Variants in NDUFB4 observed in about 807,000 individuals in gnomAD.
NDUFB4 encodes NADH:ubiquinone oxidoreductase subunit B4.
A neutral mutation model predicts 14.5 loss-of-function variants in NDUFB4; 10 were observed. The observed-to-expected ratio is 0.69, with a 90% CI of 0.43 to 1.17. The LOEUF is 1.17. Among genes scored for constraint, NDUFB4 ranks in the 50% most tolerant of loss-of-function variants. The pLI is 0.00. For synonymous variants in NDUFB4, 65 were observed against 63.4 expected (o/e 1.03, Z -0.12); for missense variants, 165 against 161.1 (o/e 1.02, Z -0.13).
chr3:120,601,179 T>G lies in NDUFB4; in HGVS notation c.249T>G (p.Thr83=). 6.2e-7 allele frequency: 1 copy of G among 1,614,102 alleles called. No individual in the cohort carries two copies. The highest frequency in any genetic ancestry group is 8.5e-7 in the Non-Finnish European group (1 of 1,179,964). ...ATGTCTATCCTAATTTCAGACCCAC[T>G]CCTAAAAACTCACTCATGGGAGCTC... The part of the protein sequence containing the change: ...TINVYPNFRP[T]PKNSLMGALC... Residue 83 remains threonine, a synonymous_variant, in exon 2 of 3, where the codon ACT becomes ACG. Transcript: ENST00000184266.
At chr3:120,601,956 A>G in intron 2 of NDUFB4, 1 of 1,232,270 alleles carries the variant, frequency 8.1e-7, no homozygotes, top group Non-Finnish European at 1.0e-6. Context: ...AAATGTGAGT[A>G]AGATGTTTTT....
chr3:120,598,143 C>T (rs1413730912), intron 1 of NDUFB4, among the ~76,000 whole-genome samples: 3 of 151,562 alleles, frequency 2.0e-5, no homozygotes, highest in Non-Finnish European at 4.4e-5. Flanking sequence ...ACCTCTGCCT[C>T]CCGGGCTCAA....
At chr3:120,599,904 T>G (rs1210785818) in intron 1 of NDUFB4, among the ~76,000 whole-genome samples, 4 of 152,006 alleles carry the variant, frequency 2.6e-5, no homozygotes, top group Non-Finnish European at 5.9e-5. Flanking sequence ...GTCTTTACCC[T>G]CTTTTTTCTT....
chr3:120,596,567 T>TA, intron 1 of NDUFB4, 28 bp downstream of exon 1: 1 of 1,608,806 alleles, frequency 6.2e-7, no homozygotes, highest in Non-Finnish European at 8.5e-7. Flanking sequence ...CAGGCGGGAA[T>TA]AGGGCCCGAG....
intron 2 of NDUFB4, 195 bp downstream of exon 2, chr3:120,601,452 G>T: frequency 7.1e-7 from 1 of 1,414,602 alleles, no homozygotes; most frequent in Non-Finnish European, 9.2e-7. Context: ...AGTCACCTTT[G>T]TCTATTTTTG....
chr3:120,597,430 C>T (rs1939983902), intron 1 of NDUFB4, among the ~76,000 whole-genome samples: 1 of 152,138 alleles, frequency 6.6e-6, no homozygotes, highest in South Asian at 2.1e-4. Flanking sequence ...TATACAGGAA[C>T]TAAGTAGGTT....
At chr3:120,601,670 A>G (rs1213547934) in intron 2 of NDUFB4, 3 of 1,034,136 alleles carry the variant, frequency 2.9e-6, no homozygotes, top group African/African-American at 3.5e-5. Flanking sequence ...GCCTGGGTAT[A>G]TGATTGGAGA....
In NDUFB4 at chr3:120,601,135, G is replaced by T. The variant is rs774075930; in HGVS notation, c.205G>T (p.Ala69Ser). The part of the protein sequence containing the change: ...LIENPALLRW[A>S]YARTINVYPN... ...GGAAAATCCTGCCTTGCTTCGTTGG[G>T]CCTATGCAAGAACAATAAATGTCTA... Residue 69 changes from alanine (A) to serine (S), a missense_variant, in exon 2 of 3, where the codon GCC (alanine) becomes TCC (serine). Physicochemically the swap from Ala to Ser is moderately conservative, Grantham distance 99 (BLOSUM62 1). Transcript: ENST00000184266. 9.9e-6 allele frequency: 16 copies of T among 1,612,834 alleles called. No homozygotes were observed. Among genetic ancestry groups the T allele is most frequent in the Non-Finnish European group, 2.5e-6 (3 of 1,179,764 alleles).
chr3:120,601,848 G>A, intron 2 of NDUFB4: 1 of 1,039,124 alleles, frequency 9.6e-7, no homozygotes, highest in Non-Finnish European at 1.2e-6. Flanking sequence ...TCTGGTGAAT[G>A]ATCTACTTAA....
At chr3:120,600,889 T>C (rs1576272738) in intron 1 of NDUFB4, 1 of 510,034 alleles carries the variant, frequency 2.0e-6, no homozygotes, top group South Asian at 2.8e-5. Context: ...ATTAGTGATA[T>C]GAGCCTTCTA....
chr3:120,598,356 C>T (rs923394647), intron 1 of NDUFB4, among the ~76,000 whole-genome samples: 3 of 152,016 alleles, frequency 2.0e-5, no homozygotes, highest in African/African-American at 4.8e-5. Flanking sequence ...GCCTGGCCAT[C>T]TTGCCTAATC....
chr3:120,598,613 G>A (rs893380099), intron 1 of NDUFB4, among the ~76,000 whole-genome samples: 2 of 152,140 alleles, frequency 1.3e-5, no homozygotes, highest in Non-Finnish European at 2.9e-5. Flanking sequence ...GGGGAGGTAA[G>A]CAGCTACAAT....
chr3:120,599,375 T>C (rs958197178), intron 1 of NDUFB4, among the ~76,000 whole-genome samples: 2 of 152,050 alleles, frequency 1.3e-5, no homozygotes, highest in East Asian at 3.8e-4. Flanking sequence ...TTTAAAGTTA[T>C]CTGACCAGAT....
intron 2 of NDUFB4, chr3:120,601,987 T>C (rs1173872216): frequency 1.6e-6 from 2 of 1,288,154 alleles, no homozygotes; most frequent in East Asian, 3.2e-5. Flanking sequence ...ATTTTCTTAC[T>C]GTGTCTTTAG....
chr3:120,596,485 G>A lies in NDUFB4; in HGVS notation c.126G>A (p.Gln42=), dbSNP rs1488248968. 2 of 1,614,058 alleles carry A rather than the reference G, an allele frequency of 1.2e-6. No individual in the cohort carries two copies. The highest frequency in any genetic ancestry group is 2.2e-5 in the East Asian group (1 of 44,878). The change falls in exon 1 of 3, where the codon CAG becomes CAA. Residue 42 remains glutamine, a synonymous_variant. Coordinates refer to ENST00000184266, the MANE Select transcript of NDUFB4 (RefSeq NM_004547.6). ...CCGAGCGGTTGGCCATAAGAGCCCAGCTGAAACGAGAGTACCTGCTTCAGT... is the reference window on the plus strand; with the variant it reads ...CCGAGCGGTTGGCCATAAGAGCCCAACTGAAACGAGAGTACCTGCTTCAGT... ...AQAERLAIRA[Q]LKREYLLQYN...
intron 1 of NDUFB4, among the ~76,000 whole-genome samples, chr3:120,600,088 C>T (rs187647106): frequency 3.3e-4 from 44 of 131,572 alleles, no homozygotes; most frequent in Admixed American, 4.8e-4. Context: ...TTAAAAGGAA[C>T]GGAAGCATTT....
At chr3:120,601,731 C>A in intron 2 of NDUFB4, 1 of 1,025,304 alleles carries the variant, frequency 9.8e-7, no homozygotes, top group Non-Finnish European at 1.2e-6. Context: ...TGGTACTAAA[C>A]CCTGAGCTGC....
chr3:120,596,381 C>T lies in NDUFB4; in HGVS notation c.22C>T (p.Pro8Ser), dbSNP rs540264937. Reference protein sequence around the residue: MSFPKYKPSSLRTLPETL... With the variant: MSFPKYKSSSLRTLPETL... Reference sequence around the variant, plus strand: ...CAAGATGTCGTTCCCAAAGTATAAGCCGTCGAGCCTGCGCACTCTGCCTGA... The same window carrying T: ...CAAGATGTCGTTCCCAAAGTATAAGTCGTCGAGCCTGCGCACTCTGCCTGA... Residue 8 changes from proline to serine, a missense_variant, in exon 1 of 3, where the codon CCG becomes TCG. Transcript: ENST00000184266. The T allele has an allele frequency of 1.9e-6, 3 of 1,614,190 alleles. No homozygotes were observed. The highest frequency in any genetic ancestry group is 1.1e-5 in the South Asian group (1 of 91,078).
intron 1 of NDUFB4, among the ~76,000 whole-genome samples, chr3:120,598,116 G>A (rs897446442): frequency 3.3e-5 from 5 of 150,138 alleles, no homozygotes; most frequent in African/African-American, 1.2e-4. Flanking sequence ...GCAGTGGTAT[G>A]ATCTCGGCTC....
Sources: gnomAD v4.1 joint callset for allele counts (sites outside exome capture counted in the v4.1 genomes callset) on GRCh38, gnomAD v4.1.1 for gene constraint, MANE v1.5 for transcripts, NCBI Gene and HGNC (gene_info 2026-07-23, HGNC 2026-07-21) for gene names.